The following KIAA0513 variants were observed in gnomAD, a reference collection of about 807,000 sequenced individuals.
The protein encoded by KIAA0513 is uncharacterized protein KIAA0513.
KIAA0513 carries 39 observed loss-of-function variants against 56.5 expected under a neutral mutation model. That is an observed-to-expected ratio of 0.69 (90% CI 0.53 to 0.90). The LOEUF is 0.90. Ranked by LOEUF, KIAA0513 falls within the 40% of genes least tolerant of loss-of-function variation. The pLI is 0.00. For synonymous variants in KIAA0513, 268 were observed against 215.6 expected (o/e 1.24, Z -2.13); for missense variants, 591 against 535.2 (o/e 1.10, Z -1.03).
In KIAA0513 at chr16:85,077,520, A is replaced by G. The variant is rs1469349536; in HGVS notation, c.670A>G (p.Lys224Glu). The change falls in exon 6 of 13, where the codon AAG (lysine) becomes GAG (glutamate). Residue 224 changes from lysine (K) to glutamate (E), a missense_variant. Coordinates refer to ENST00000683363, the MANE Select transcript of KIAA0513 (RefSeq NM_001388359.1). ...CGCAAACAGCTGGCTGGCCGAAAAG[A>G]AGGACATCGCCGAGCGGCTGCTGAA... The part of the protein sequence containing the change: ...KSANSWLAEK[K>E]DIAERLLKNT... The G allele has an allele frequency of 1.9e-6, 3 of 1,614,024 alleles. No homozygotes were observed. The highest frequency in any genetic ancestry group is 2.7e-5 in the African/African-American group (2 of 74,932).
chr16:85,044,319 C>T (rs1391976208), intron 1 of KIAA0513, among the ~76,000 whole-genome samples: 1 of 151,932 alleles, frequency 6.6e-6, no homozygotes, highest in Admixed American at 6.6e-5. Context: ...GTCGAGTGTC[C>T]CCTGTGTCAT....
At chr16:85,040,525 G>C (rs973956607) in intron 1 of KIAA0513, among the ~76,000 whole-genome samples, 1 of 152,056 alleles carries the variant, frequency 6.6e-6, no homozygotes, top group Non-Finnish European at 1.5e-5. Flanking sequence ...ATGAGAATCT[G>C]CCTCAAAAAA....
rs188128558 is a variant in KIAA0513 at position 85,034,088 on chromosome 16, A to T, written c.-173+6230A>T. On this transcript the variant is annotated intron_variant, in intron 1 of 12. Transcript: ENST00000683363. ...CAGATGACTTGTTTCCCATGTTAAG[A>T]GCTGATGAGGCCAGGCATGGTGGCT... is the stretch of plus-strand genomic sequence containing the variant. 6.8e-3 allele frequency among the ~76,000 whole-genome samples: 1,029 copies of T among 152,180 alleles called. 7 individuals carry two copies. Among genetic ancestry groups the T allele is most frequent in the African/African-American group, 0.016 (683 of 41,514 alleles).
At chr16:85,064,787 G>A (rs1237082825) in intron 1 of KIAA0513, among the ~76,000 whole-genome samples, 1 of 152,154 alleles carries the variant, frequency 6.6e-6, no homozygotes, top group East Asian at 1.9e-4. Context: ...CTGGGTTCAA[G>A]TAATTCTCCT....
intron 2 of KIAA0513, among the ~76,000 whole-genome samples, chr16:85,071,574 C>T: frequency 6.6e-6 from 1 of 152,172 alleles, no homozygotes; most frequent in East Asian, 1.9e-4. Flanking sequence ...GCGTGTGATT[C>T]TCCAAGCCAG....
chr16:85,085,010 C>T (rs1407461720), intron 10 of KIAA0513, among the ~76,000 whole-genome samples: 1 of 152,250 alleles, frequency 6.6e-6, no homozygotes, highest in Non-Finnish European at 1.5e-5. Context: ...TCATTTGGCT[C>T]AGGAAGAGGA....
intron 1 of KIAA0513, among the ~76,000 whole-genome samples, chr16:85,054,838 C>T (rs564608862): frequency 3.9e-5 from 6 of 152,288 alleles, no homozygotes; most frequent in South Asian, 4.1e-4. Flanking sequence ...CAATGTTGTA[C>T]GTCCTGGCGC....
At chr16:85,075,623 G>A (rs62049920) in intron 4 of KIAA0513, among the ~76,000 whole-genome samples, 3 of 152,204 alleles carry the variant, frequency 2.0e-5, no homozygotes, top group African/African-American at 7.2e-5. Context: ...GAAAGAAGCC[G>A]GGCAGGCAGA....
intron 1 of KIAA0513, among the ~76,000 whole-genome samples, chr16:85,038,220 C>A (rs1321179516): frequency 6.6e-6 from 1 of 152,180 alleles, no homozygotes; most frequent in Non-Finnish European, 1.5e-5. Flanking sequence ...ATTGACTTTG[C>A]CTCTTCCCTG....
At chr16:85,069,594 A>G (rs901760486) in intron 2 of KIAA0513, among the ~76,000 whole-genome samples, 1 of 151,898 alleles carries the variant, frequency 6.6e-6, no homozygotes, top group African/African-American at 2.4e-5. Context: ...GGGAAGGAGG[A>G]CGCACACACA....
intron 12 of KIAA0513, 58 bp downstream of exon 12, chr16:85,087,224 G>GGCTC: frequency 7.3e-7 from 1 of 1,370,832 alleles, no homozygotes; most frequent in South Asian, 1.2e-5. Context: ...AGGAGCCAGT[G>GGCTC]CTGTGCCCGC....
chr16:85,051,434 C>T (rs189102004), intron 1 of KIAA0513, among the ~76,000 whole-genome samples: 3 of 152,280 alleles, frequency 2.0e-5, no homozygotes, highest in Admixed American at 1.3e-4. Flanking sequence ...TGGCAAGAAA[C>T]CCTAGAGGTT....
chr16:85,046,682 G>C (rs551053440), intron 1 of KIAA0513, among the ~76,000 whole-genome samples: 1 of 152,310 alleles, frequency 6.6e-6, no homozygotes, highest in East Asian at 1.9e-4. Flanking sequence ...TTCTCTCCGT[G>C]TTCACTGCCT....
intron 1 of KIAA0513, among the ~76,000 whole-genome samples, chr16:85,031,647 T>G (rs764382683): frequency 6.6e-6 from 1 of 152,212 alleles, no homozygotes; most frequent in Non-Finnish European, 1.5e-5. Flanking sequence ...CTTCTTCCTG[T>G]GCCTTCCGTG....
At chr16:85,028,142 G>C (rs2072914291) in intron 1 of KIAA0513, among the ~76,000 whole-genome samples, 1 of 152,190 alleles carries the variant, frequency 6.6e-6, no homozygotes, top group Admixed American at 6.5e-5. Flanking sequence ...CAGTGCGGAC[G>C]CCCGTGAATG....
At chr16:85,084,769 G>A (rs2073789762) in intron 10 of KIAA0513, among the ~76,000 whole-genome samples, 1 of 150,618 alleles carries the variant, frequency 6.6e-6, no homozygotes, top group African/African-American at 2.4e-5. Flanking sequence ...TGCCATGTTG[G>A]CCAGGCTGGT....
chr16:85,047,854 T>C (rs2073193213), intron 1 of KIAA0513, among the ~76,000 whole-genome samples: 1 of 152,134 alleles, frequency 6.6e-6, no homozygotes. Flanking sequence ...ACCGCAACCT[T>C]GGTGGCACTT....
chr16:85,079,645 G>A (rs991359095), intron 8 of KIAA0513: 5 of 152,648 alleles, frequency 3.3e-5, no homozygotes, highest in African/African-American at 1.2e-4. Flanking sequence ...GTGGGGAATG[G>A]GGAGCAGGGC....
rs2073744974 is a variant in KIAA0513, at chr16:85,081,594, C to G, written c.980+202C>G. On this transcript the variant is annotated intron_variant, in intron 9 of 12. Coordinates refer to ENST00000683363, the MANE Select transcript of KIAA0513 (RefSeq NM_001388359.1). The surrounding 1 kb of genome is among the most constrained non-coding windows in gnomAD (Gnocchi z 4.4). ...TGGGGGTGCTCAGCTTGCATGAGCGCTTTCTGTCCTGGGGCTCTGGCATGA... is the reference window on the plus strand; with the variant it reads ...TGGGGGTGCTCAGCTTGCATGAGCGGTTTCTGTCCTGGGGCTCTGGCATGA... Among the ~76,000 whole-genome samples the G allele has an allele frequency of 6.6e-6, 1 of 152,040 alleles. No homozygotes were observed. Among genetic ancestry groups the G allele is most frequent in the South Asian group, 2.1e-4 (1 of 4,830 alleles).
Sources: allele counts gnomAD v4.1 joint callset (sites outside exome capture counted in the v4.1 genomes callset), GRCh38; gene constraint gnomAD v4.1.1; non-coding constraint Gnocchi (gnomAD v3.1); transcripts MANE v1.5; gene names NCBI Gene and HGNC (gene_info 2026-07-23, HGNC 2026-07-21).